Variants in GOLGA4 observed in about 807,000 individuals in gnomAD.
The protein encoded by GOLGA4 is golgin A4.
A neutral mutation model predicts 265.9 loss-of-function variants in GOLGA4; 169 were observed. That is an observed-to-expected ratio of 0.64 (90% confidence interval 0.56 to 0.72). The LOEUF (loss-of-function observed/expected upper bound fraction) is 0.72, where lower values mean the gene tolerates loss of function less well. GOLGA4 is among the 30% of genes least tolerant of loss of function. The pLI is 0.00. For missense variants in GOLGA4, 2,482 were observed against 2,483.4 expected, an observed-to-expected ratio of 1.00 and a Z score of 0.01; for synonymous variants, 923 against 855.8, an observed-to-expected ratio of 1.08 and a Z score of -1.37.
intron 3 of GOLGA4, among the ~76,000 whole-genome samples, chr3:37,285,594 G>A (rs546601052): frequency 6.6e-6 from 1 of 152,216 alleles, no homozygotes; most frequent in African/African-American, 2.4e-5. Context: ...ATAGTTTCCT[G>A]TCTCTCCACA....
chr3:37,304,415 T>G (rs2096900927), intron 10 of GOLGA4, among the ~76,000 whole-genome samples: 1 of 152,210 alleles, frequency 6.6e-6, no homozygotes, highest in South Asian at 2.1e-4. Flanking sequence ...AAAACTTCCC[T>G]TTAGAGAGAG....
intron 2 of GOLGA4, among the ~76,000 whole-genome samples, chr3:37,278,260 C>T (rs1023628788): frequency 4.0e-5 from 6 of 150,820 alleles, no homozygotes; most frequent in African/African-American, 1.2e-4. Flanking sequence ...AGCGTAATGG[C>T]GTGATCTCAG....
At chr3:37,354,064 A>G (rs934826206) in intron 21 of GOLGA4, among the ~76,000 whole-genome samples, 2 of 152,146 alleles carry the variant, frequency 1.3e-5, no homozygotes, top group African/African-American at 4.8e-5. Flanking sequence ...CTTAGTGTAT[A>G]TAATAGGAGC....
chr3:37,273,362 C>T (rs1426405596), intron 2 of GOLGA4, among the ~76,000 whole-genome samples: 1 of 152,122 alleles, frequency 6.6e-6, no homozygotes, highest in Non-Finnish European at 1.5e-5. Context: ...AAATACTTAC[C>T]ATACTACAAT....
chr3:37,345,987 T>C (rs2151035932), intron 20 of GOLGA4, among the ~76,000 whole-genome samples: 1 of 152,202 alleles, frequency 6.6e-6, no homozygotes, highest in East Asian at 1.9e-4. Flanking sequence ...ATAAAATTGC[T>C]TATTTTCTGA....
intron 2 of GOLGA4, chr3:37,276,504 G>A: frequency 6.2e-7 from 1 of 1,609,270 alleles, no homozygotes; most frequent in Non-Finnish European, 8.5e-7. Flanking sequence ...AAGAAGAATT[G>A]CACTTACACA....
intron 2 of GOLGA4, among the ~76,000 whole-genome samples, chr3:37,260,451 C>T (rs1288813512): frequency 4.6e-5 from 7 of 151,720 alleles, no homozygotes; most frequent in African/African-American, 1.7e-4. Context: ...GTGAAACCCA[C>T]CCCACCCCCG....
intron 19 of GOLGA4, among the ~76,000 whole-genome samples, chr3:37,338,548 A>G (rs906475340): frequency 2.0e-5 from 3 of 152,224 alleles, no homozygotes; most frequent in Non-Finnish European, 4.4e-5. Context: ...CTGCCCTAGC[A>G]TAACAGTTTT....
At chr3:37,258,709 G>A (rs1264111965) in intron 2 of GOLGA4, among the ~76,000 whole-genome samples, 1 of 152,074 alleles carries the variant, frequency 6.6e-6, no homozygotes, top group Non-Finnish European at 1.5e-5. Flanking sequence ...CATCGTTTTA[G>A]GGATTACTGG....
rs780955183 is a variant in GOLGA4 at position 37,289,327 on chromosome 3, T to G, written c.582+36T>G. 8.2e-6 allele frequency: 10 copies of G among 1,218,016 alleles called. No individual in the cohort carries two copies. The African/African-American group carries it at 1.2e-4, about 15-fold the overall frequency. The allele number at this position is 1,218,016 out of a possible 1,614,324, so 75.5% of individuals were successfully genotyped here. A position where few individuals can be genotyped will look rare whatever the true frequency, so the allele number is the denominator to read the frequency against. The stretch of plus-strand genomic sequence containing the variant: ...GTGATGAGTACTTTGAAAATAGTAA[T>G]TAAATCTCATATTTATCAGAACTGT... On this transcript the variant is annotated intron_variant, in intron 5 of 23. Transcript: ENST00000361924.
Position 37,298,873 on chromosome 3 carries a change from G to A in GOLGA4, c.855G>A (p.Gln285=). 1.2e-6 allele frequency: 2 copies of A among 1,612,704 alleles called. No homozygotes were observed. Among genetic ancestry groups the A allele is most frequent in the Non-Finnish European group, 1.7e-6 (2 of 1,179,498 alleles). ...GTSVKTLETL[Q]QRVKRQENLL... is the part of the protein sequence containing the mutation. ...CTGTAAAAACACTGGAAACACTCCAGCAAAGAGTGAAGCGTCAAGAGAACC... is the reference window on the plus strand; with the variant it reads ...CTGTAAAAACACTGGAAACACTCCAACAAAGAGTGAAGCGTCAAGAGAACC... The change falls in exon 8 of 24, where the codon CAG becomes CAA. Residue 285 remains glutamine, a synonymous_variant. Transcript: ENST00000361924.
intron 20 of GOLGA4, among the ~76,000 whole-genome samples, chr3:37,345,516 G>A (rs751434185): frequency 4.1e-4 from 63 of 152,136 alleles, no homozygotes; most frequent in Admixed American, 1.6e-3. Flanking sequence ...ACCCATTAGA[G>A]GCAACGAGTA....
chr3:37,345,262 C>T (rs1011263953), intron 20 of GOLGA4, among the ~76,000 whole-genome samples: 8 of 152,038 alleles, frequency 5.3e-5, no homozygotes, highest in African/African-American at 1.7e-4. Flanking sequence ...CCTTTTATTA[C>T]GTTTATTCTT....
intron 4 of GOLGA4, among the ~76,000 whole-genome samples, chr3:37,286,535 G>A (rs2096849987): frequency 6.6e-6 from 1 of 152,076 alleles, no homozygotes; most frequent in Non-Finnish European, 1.5e-5. Flanking sequence ...ATTATTGGAG[G>A]TTTTGATAAA....
chr3:37,315,599 G>A lies in GOLGA4; in HGVS notation c.1413+1G>A. On this transcript the variant is annotated splice_donor_variant, in intron 11 of 23. Coordinates refer to ENST00000361924, the MANE Select transcript of GOLGA4 (RefSeq NM_002078.5). LOFTEE classifies it high-confidence loss of function. The stretch of plus-strand genomic sequence containing the variant: ...ACAGGAGGTTGTTGATGTAATGAAA[G>A]TAAGAATAATTCTGTAATGAAATGG... 1 of 1,610,212 alleles carries A rather than the reference G, an allele frequency of 6.2e-7. No individual in the cohort carries two copies.
intron 10 of GOLGA4, among the ~76,000 whole-genome samples, chr3:37,310,062 G>C (rs1273420559): frequency 2.6e-5 from 4 of 152,186 alleles, no homozygotes; most frequent in African/African-American, 9.7e-5. Flanking sequence ...CTGGGATAAA[G>C]ACAGGCATTG....
At chr3:37,284,920 C>T (rs1459208673) in intron 3 of GOLGA4, among the ~76,000 whole-genome samples, 4 of 152,134 alleles carry the variant, frequency 2.6e-5, no homozygotes, top group Non-Finnish European at 5.9e-5. Flanking sequence ...CTGTCCTGGC[C>T]TCCCAAAGTG....
chr3:37,288,321 G>C (rs1469332183), intron 4 of GOLGA4, among the ~76,000 whole-genome samples: 1 of 151,454 alleles, frequency 6.6e-6, no homozygotes, highest in Non-Finnish European at 1.5e-5. Flanking sequence ...ATGTTGAACA[G>C]GCTGGTCTCA....
intron 5 of GOLGA4, among the ~76,000 whole-genome samples, chr3:37,292,931 G>A (rs2096868720): frequency 6.6e-6 from 1 of 152,226 alleles, no homozygotes; most frequent in African/African-American, 2.4e-5. Context: ...GCTCAGAGAT[G>A]TTGGGGCAAT....
Sources: gnomAD v4.1 joint callset for allele counts (sites outside exome capture counted in the v4.1 genomes callset) on GRCh38, gnomAD v4.1.1 for gene constraint, MANE v1.5 for transcripts, NCBI Gene and HGNC (gene_info 2026-07-23, HGNC 2026-07-21) for gene names.